The following DCN variants were observed in gnomAD, a reference collection of about 807,000 sequenced individuals.
DCN encodes bone proteoglycan II.
In DCN, 17 loss-of-function variants were observed where a neutral mutation model predicts 36.5. That is an observed-to-expected ratio of 0.47 (90% CI 0.32 to 0.70). The LOEUF is 0.70. DCN is among the 30% of genes least tolerant of loss of function. The pLI is 0.04. For missense variants in DCN, 389 were observed against 430.1 expected (o/e 0.90, Z 0.84); for synonymous variants, 163 against 161.4 (o/e 1.01, Z -0.07).
At chr12:91,151,909 C>G in intron 6 of DCN, 117 bp from the exon 7 acceptor site, 1 of 1,171,682 alleles carries the variant, frequency 8.5e-7, no homozygotes, top group Non-Finnish European at 1.2e-6. Flanking sequence ...ACTTACTCTT[C>G]CCAGTTCTTG....
rs1249545917 is a variant in DCN, at chr12:91,142,142, G to A, written c.*3916C>T. On this transcript the variant is annotated 3_prime_UTR_variant, in exon 8 of 8. Coordinates refer to ENST00000052754, the MANE Select transcript of DCN (RefSeq NM_001920.5). The stretch of plus-strand genomic sequence containing the variant: ...AATACATAAACAGATCCACTAGAAG[G>A]AATGTTTTAGCAATAAGTGTGGAAA... 1 of 152,170 alleles carries A rather than the reference G, an allele frequency of 6.6e-6. No individual in the cohort carries two copies. The highest frequency in any genetic ancestry group is 1.9e-4 in the East Asian group (1 of 5,196). 9.4% of individuals were successfully genotyped at this position (152,170 alleles called of 1,614,324 possible). A position where few individuals can be genotyped will look rare whatever the true frequency, so the allele number is the denominator to read the frequency against.
chr12:91,172,042 A>G (rs1256446314), intron 2 of DCN: 2 of 152,178 alleles, frequency 1.3e-5, no homozygotes, highest in Non-Finnish European at 2.9e-5. Flanking sequence ...TTTTGTAAGG[A>G]GGTTTATCTT....
chr12:91,145,761 C>G lies in DCN; in HGVS notation c.*297G>C, dbSNP rs754385151. ...TGGAAATTAAAAAAGAAAAGCTTTA[C>G]TAAATATTGACATATATATTTACTC... On this transcript the variant is annotated 3_prime_UTR_variant, in exon 8 of 8. Transcript: ENST00000052754. The G allele has an allele frequency of 4.6e-6, 2 of 434,996 alleles. No individual in the cohort carries two copies. The highest frequency in any genetic ancestry group is 8.6e-6 in the Non-Finnish European group (2 of 232,696). The allele number at this position is 434,996 out of a possible 1,614,324, so 26.9% of individuals were successfully genotyped here.
At chr12:91,173,877 G>A (rs1394262806) in intron 2 of DCN, among the ~76,000 whole-genome samples, 1 of 152,114 alleles carries the variant, frequency 6.6e-6, no homozygotes, top group Non-Finnish European at 1.5e-5. Context: ...GGTAACTTCT[G>A]ACAAAATTTT....
At chr12:91,172,144 G>T (rs912390764) in intron 2 of DCN, 1 of 144,510 alleles carries the variant, frequency 6.9e-6, no homozygotes, top group Non-Finnish European at 1.5e-5. Flanking sequence ...GTAAGAAATA[G>T]ACTTCTTTTT....
At chr12:91,167,523 T>C (rs1440255894) in intron 2 of DCN, among the ~76,000 whole-genome samples, 1 of 151,904 alleles carries the variant, frequency 6.6e-6, no homozygotes, top group Non-Finnish European at 1.5e-5. Context: ...TCTGAGACCA[T>C]TTCCTGCCTT....
Position 91,144,610 on chromosome 12 carries a change from T to G in DCN, c.*1448A>C, listed in dbSNP as rs1377521511. 1 of 152,214 alleles carries G rather than the reference T, an allele frequency of 6.6e-6. No homozygotes were observed. The highest frequency in any genetic ancestry group is 1.5e-5 in the Non-Finnish European group (1 of 68,034). The allele number at this position is 152,214 out of a possible 1,614,324, so 9.4% of individuals were successfully genotyped here. A position where few individuals can be genotyped will look rare whatever the true frequency, so the allele number is the denominator to read the frequency against. On this transcript the variant is annotated 3_prime_UTR_variant, in exon 8 of 8. Coordinates refer to ENST00000052754, the MANE Select transcript of DCN (RefSeq NM_001920.5). ...TCAAATGTAAATGAAAATTATTGCTTCTGTTTCAGAAGAAGAAAAATAGTT... is the reference window on the plus strand; with the variant it reads ...TCAAATGTAAATGAAAATTATTGCTGCTGTTTCAGAAGAAGAAAAATAGTT...
chr12:91,170,977 T>A (rs910801100), intron 2 of DCN, among the ~76,000 whole-genome samples: 4 of 152,234 alleles, frequency 2.6e-5, no homozygotes, highest in African/African-American at 4.8e-5. Flanking sequence ...GTATTAATTG[T>A]ATGTGATTTT....
rs1275478807 is a variant in DCN at position 91,178,429 on chromosome 12, C to T, written c.124G>A (p.Asp42Asn). The change falls in exon 2 of 8, where the codon GAT becomes AAT. Residue 42 changes from aspartate to asparagine, a missense_variant. Asp to Asn is a conservative substitution (Grantham distance 23). Transcript: ENST00000052754. ...EASGIGPEVP[D>N]DRDFEPSLGP... The stretch of plus-strand genomic sequence containing the variant: ...AGGGAGGGCTCGAAGTCGCGGTCAT[C>T]AGGAACTTCTGGGCCTATCCCAGAA... 6.2e-7 allele frequency: 1 copy of T among 1,613,924 alleles called. No individual in the cohort carries two copies. The highest frequency in any genetic ancestry group is 8.5e-7 in the Non-Finnish European group (1 of 1,179,978).
intron 2 of DCN, chr12:91,176,846 T>C (rs1467915523): frequency 6.6e-6 from 1 of 152,206 alleles, no homozygotes; most frequent in Non-Finnish European, 1.5e-5. Context: ...GATTATCCTG[T>C]GTATATCCAT....
rs1883138987 is a variant in DCN at position 91,173,994 on chromosome 12, G to T, written c.211+4348C>A. On this transcript the variant is annotated intron_variant, in intron 2 of 7. Transcript: ENST00000052754. ...ATTAAAACATTATTTGCATTATAAGGTACATTATTAGAAACCAGTAGTTAT... is the reference window on the plus strand; with the variant it reads ...ATTAAAACATTATTTGCATTATAAGTTACATTATTAGAAACCAGTAGTTAT... Among the ~76,000 whole-genome samples the T allele has an allele frequency of 2.6e-5, 4 of 152,154 alleles. No homozygotes were observed. The South Asian group carries it at 8.3e-4, about 32-fold the overall frequency.
At position 91,143,830 on chromosome 12, in the gene DCN, ATATATATATAAAGATATATATGTGTG is replaced by A. The variant is rs1412027063; in HGVS notation, c.*2202_*2227del. On this transcript the variant is annotated 3_prime_UTR_variant, in exon 8 of 8. Coordinates refer to ENST00000052754, the MANE Select transcript of DCN (RefSeq NM_001920.5). ...TATGCAAAAAGATATATATATAAATATATATATATAAAGATATATATGTGTGTATATATATAAAGATATATATGTGT... is the reference window on the plus strand; with the variant it reads ...TATGCAAAAAGATATATATATAAATATATATATATAAAGATATATATGTGT... 2.8e-4 allele frequency: 41 copies of A among 147,838 alleles called. No individual in the cohort carries two copies. Among genetic ancestry groups the A allele is most frequent in the Admixed American group, 6.8e-4 (10 of 14,732 alleles). 9.2% of individuals were successfully genotyped at this position (147,838 alleles called of 1,614,324 possible).
chr12:91,158,131 G>A lies in DCN; in HGVS notation c.538+165C>T, dbSNP rs150417544. Among the ~76,000 whole-genome samples the A allele has an allele frequency of 5.9e-5, 9 of 152,110 alleles. No individual in the cohort carries two copies. In the East Asian group the frequency reaches 1.5e-3, roughly 26 times the overall value. On this transcript the variant is annotated intron_variant, in intron 4 of 7. Coordinates refer to ENST00000052754, the MANE Select transcript of DCN (RefSeq NM_001920.5). ...ACATACATAAAAACATCACTGTAAG[G>A]TCCAGATTCAAAATCCCAATTTCTC... is the stretch of plus-strand genomic sequence containing the variant.
chr12:91,148,214 C>T lies in DCN; in HGVS notation c.886-1962G>A, dbSNP rs547806412. ...TCAGCCTCCCGAGTAGCTGGGACTACAGGCGCCCACCACCACGCCCGGCTA... is the reference window on the plus strand; with the variant it reads ...TCAGCCTCCCGAGTAGCTGGGACTATAGGCGCCCACCACCACGCCCGGCTA... On this transcript the variant is annotated intron_variant, in intron 7 of 7. Transcript: ENST00000052754. 5.3e-5 allele frequency among the ~76,000 whole-genome samples: 8 copies of T among 152,034 alleles called. No homozygotes were observed. In the East Asian group the frequency reaches 5.9e-4, roughly 11 times the overall value.
chr12:91,160,238 A>C (rs947960201), intron 3 of DCN, among the ~76,000 whole-genome samples: 2 of 152,150 alleles, frequency 1.3e-5, no homozygotes, highest in Non-Finnish European at 2.9e-5. Flanking sequence ...GGTGACATAT[A>C]TCATTACAAG....
chr12:91,154,644 T>A (rs1481450825), intron 5 of DCN, among the ~76,000 whole-genome samples: 1 of 152,182 alleles, frequency 6.6e-6, no homozygotes, highest in Non-Finnish European at 1.5e-5. Flanking sequence ...CTTCTGCAAC[T>A]GTGGCATTGA....
At chr12:91,173,368 G>A (rs1181034222) in intron 2 of DCN, among the ~76,000 whole-genome samples, 2 of 152,136 alleles carry the variant, frequency 1.3e-5, no homozygotes, top group Admixed American at 6.6e-5. Context: ...AAGGAAACAA[G>A]GGCTATGTTA....
chr12:91,158,457 G>A lies in DCN; in HGVS notation c.377C>T (p.Thr126Ile). The A allele has an allele frequency of 1.2e-6, 2 of 1,609,464 alleles. No homozygotes were observed. The highest frequency in any genetic ancestry group is 1.7e-6 in the Non-Finnish European group (2 of 1,175,728). ...AAGTCGTTCCAACTTCACCAAAGGT[G>A]TAAATGCTCCAGGACTAACTTTGCT... The part of the protein sequence containing the change: ...KISKVSPGAF[T>I]PLVKLERLYL... The change falls in exon 4 of 8, where the codon ACA (threonine) becomes ATA (isoleucine). Residue 126 changes from threonine to isoleucine, a missense_variant. Transcript: ENST00000052754.
chr12:91,163,496 C>T (rs1345477681), intron 3 of DCN, among the ~76,000 whole-genome samples: 3 of 152,120 alleles, frequency 2.0e-5, no homozygotes, highest in Admixed American at 2.0e-4. Context: ...TTCTTCTAGA[C>T]CTTTGTGGGA....
Sources: gnomAD v4.1 joint callset for allele counts (sites outside exome capture counted in the v4.1 genomes callset) on GRCh38, gnomAD v4.1.1 for gene constraint, MANE v1.5 for transcripts, NCBI Gene and HGNC (gene_info 2026-07-23, HGNC 2026-07-21) for gene names.